BEND7: variants seen among roughly 807,000 people sequenced by gnomAD.
The protein encoded by BEND7 is BEN domain containing 7, also known as BEN domain-containing protein 7.
BEND7 carries 28 observed loss-of-function variants against 50.9 expected under a neutral mutation model. The observed-to-expected ratio is 0.55, with a 90% confidence interval of 0.41 to 0.75. The LOEUF (loss-of-function observed/expected upper bound fraction) is 0.75, where lower values mean the gene tolerates loss of function less well. BEND7 is among the 30% of genes least tolerant of loss of function. BEND7 has a pLI of 0.00. For missense variants in BEND7, 477 were observed against 491.3 expected, an observed-to-expected ratio of 0.97 and a Z score of 0.28; for synonymous variants, 170 against 183.9, an observed-to-expected ratio of 0.92 and a Z score of 0.61.
chr10:13,439,972 T>G (rs1282268368), downstream of BEND7, among the ~76,000 whole-genome samples: 1 of 152,190 alleles, frequency 6.6e-6, no homozygotes, highest in Non-Finnish European at 1.5e-5. Flanking sequence ...ACACCCACAG[T>G]GTCTGCCCAG....
chr10:13,473,951 C>T (rs1488828961), intron 6 of BEND7, among the ~76,000 whole-genome samples: 1 of 151,970 alleles, frequency 6.6e-6, no homozygotes, highest in Non-Finnish European at 1.5e-5. Context: ...ATTGTCATCG[C>T]TGTTAGACTC....
At chr10:13,492,068 T>C (rs2076703058) in intron 5 of BEND7, among the ~76,000 whole-genome samples, 1 of 152,022 alleles carries the variant, frequency 6.6e-6, no homozygotes, top group Non-Finnish European at 1.5e-5. Flanking sequence ...GGCAACATTC[T>C]GGCTGTGATA....
intron 6 of BEND7, among the ~76,000 whole-genome samples, chr10:13,479,910 A>T (rs2131702859): frequency 6.6e-6 from 1 of 152,320 alleles, no homozygotes; most frequent in Middle Eastern, 3.4e-3. Flanking sequence ...CATCCTTTAA[A>T]CACTACTGAA....
chr10:13,505,423 A>G (rs1428465487), intron 2 of BEND7, among the ~76,000 whole-genome samples: 2 of 152,174 alleles, frequency 1.3e-5, no homozygotes, highest in Non-Finnish European at 2.9e-5. Flanking sequence ...CTGTGTGGAT[A>G]ACGCTCTGGA....
At chr10:13,449,478 A>G (rs1837212898) in intron 7 of BEND7, among the ~76,000 whole-genome samples, 1 of 152,226 alleles carries the variant, frequency 6.6e-6, no homozygotes, top group South Asian at 2.1e-4. Context: ...TCCAGGTAAC[A>G]CAGCTAGTAA....
rs550167637 is a variant in BEND7 at position 13,458,605 on chromosome 10, G to A, written c.1064-5947C>T. 9.8e-5 allele frequency among the ~76,000 whole-genome samples: 15 copies of A among 152,302 alleles called. No individual in the cohort carries two copies. The South Asian group carries it at 2.9e-3, about 29-fold the overall frequency. ...CAGTTTTAACTTGTGATCAAATCAA[G>A]GTTTACATCATGCATGGAAATCAAG... is the stretch of plus-strand genomic sequence containing the variant. On this transcript the variant is annotated intron_variant, in intron 6 of 8. Transcript: ENST00000466271.
intron 6 of BEND7, among the ~76,000 whole-genome samples, chr10:13,466,357 T>C (rs10906380): frequency 0.73 from 111,062 of 151,832 alleles, 41,145 homozygotes; most frequent in East Asian, 0.88. Context: ...GTTAGGAGTT[T>C]GAGACCAGCC....
intron 5 of BEND7, 104 bp downstream of exon 5, chr10:13,492,507 A>G: frequency 2.1e-6 from 3 of 1,396,970 alleles, no homozygotes; most frequent in African/African-American, 1.5e-5. Context: ...TCCCACATAT[A>G]GTCTGCAAGT....
At chr10:13,444,739 A>G (rs1835926175) in intron 8 of BEND7, 2 of 152,260 alleles carry the variant, frequency 1.3e-5, no homozygotes, top group South Asian at 4.1e-4. Flanking sequence ...GAGGCAATCA[A>G]GAGACATGCT....
intron 5 of BEND7, among the ~76,000 whole-genome samples, chr10:13,487,738 G>C (rs547761457): frequency 3.3e-5 from 5 of 152,080 alleles, no homozygotes; most frequent in South Asian, 2.1e-4. Context: ...TCATTTGCTT[G>C]GTTTTCTTTA....
chr10:13,457,328 A>G (rs1169845083), intron 6 of BEND7, among the ~76,000 whole-genome samples: 1 of 152,212 alleles, frequency 6.6e-6, no homozygotes, highest in African/African-American at 2.4e-5. Context: ...AGACCTTTCT[A>G]GTCCAACCTT....
chr10:13,520,230 A>C (rs771596599), intron 2 of BEND7, among the ~76,000 whole-genome samples: 3 of 152,194 alleles, frequency 2.0e-5, no homozygotes, highest in Non-Finnish European at 2.9e-5. Flanking sequence ...TCAGTGTTAA[A>C]TGAGATAAAG....
At chr10:13,527,343 G>A (rs1199253828) in intron 1 of BEND7, among the ~76,000 whole-genome samples, 1 of 152,218 alleles carries the variant, frequency 6.6e-6, no homozygotes, top group Admixed American at 6.5e-5. Context: ...GATAAGAATG[G>A]ATCTTCAAAA....
At chr10:13,496,959 G>C in intron 3 of BEND7, 71 bp from the exon 4 acceptor site, 5 of 1,451,918 alleles carry the variant, frequency 3.4e-6, no homozygotes, top group Non-Finnish European at 4.5e-6. Context: ...TAAAGAGGTG[G>C]AGAGAAAAAA....
intron 2 of BEND7, among the ~76,000 whole-genome samples, chr10:13,523,153 A>G (rs1022650671): frequency 6.6e-6 from 1 of 152,166 alleles, no homozygotes; most frequent in Non-Finnish European, 1.5e-5. Context: ...TATCTTCTAT[A>G]AAGACACTGG....
intron 6 of BEND7, among the ~76,000 whole-genome samples, chr10:13,471,580 C>T (rs2074839126): frequency 6.6e-6 from 1 of 152,254 alleles, no homozygotes; most frequent in Admixed American, 6.5e-5. Flanking sequence ...TGCCTTCTTC[C>T]ACCTTGGTGA....
chr10:13,471,994 C>T (rs888884904), intron 6 of BEND7, among the ~76,000 whole-genome samples: 5 of 150,538 alleles, frequency 3.3e-5, no homozygotes, highest in Non-Finnish European at 7.4e-5. Flanking sequence ...CTGTTAGACT[C>T]GGGGTCGATA....
At chr10:13,485,995 C>A (rs2076197221) in intron 5 of BEND7, among the ~76,000 whole-genome samples, 1 of 152,174 alleles carries the variant, frequency 6.6e-6, no homozygotes, top group Admixed American at 6.5e-5. Flanking sequence ...GATCCTCTCA[C>A]CTCAACCTCC....
chr10:13,487,384 T>G (rs2076297909), intron 5 of BEND7, among the ~76,000 whole-genome samples: 1 of 23,608 alleles, frequency 4.2e-5, no homozygotes, highest in South Asian at 2.9e-3. Context: ...TTTTCTTTTC[T>G]TTTCTTTTTT....
Sources: gnomAD v4.1 joint callset for allele counts (sites outside exome capture counted in the v4.1 genomes callset) on GRCh38, gnomAD v4.1.1 for gene constraint, MANE v1.5 for transcripts, NCBI Gene and HGNC (gene_info 2026-07-23, HGNC 2026-07-21) for gene names.